Variants in MECOM observed in about 807,000 individuals in gnomAD.
MECOM encodes histone-lysine N-methyltransferase MECOM.
A neutral mutation model predicts 116.3 loss-of-function variants in MECOM; 13 were observed. That is an observed-to-expected ratio of 0.11 (90% CI 0.07 to 0.18). The LOEUF (loss-of-function observed/expected upper bound fraction) is 0.18, where lower values mean the gene tolerates loss of function less well. Ranked by LOEUF, MECOM falls within the 10% of genes least tolerant of loss-of-function variation. The probability of loss-of-function intolerance (pLI) is 1.00; values close to 1 mark genes in which losing one functional copy is unlikely to be tolerated. For missense variants in MECOM, 1,299 were observed against 1,509.0 expected (o/e 0.86, Z 2.31); for synonymous variants, 528 against 535.2 (o/e 0.99, Z 0.19).
At chr3:169,632,466 C>T (rs1772212532) in intron 1 of MECOM, among the ~76,000 whole-genome samples, 1 of 152,060 alleles carries the variant, frequency 6.6e-6, no homozygotes, top group Non-Finnish European at 1.5e-5. Flanking sequence ...AGATAGTCAC[C>T]CAATCACAGA....
chr3:169,166,375 T>C (rs1379089513), intron 2 of MECOM, among the ~76,000 whole-genome samples: 1 of 151,856 alleles, frequency 6.6e-6, no homozygotes, highest in Non-Finnish European at 1.5e-5. Context: ...ATTATCTGAA[T>C]TGTCTAAATT....
intron 1 of MECOM, among the ~76,000 whole-genome samples, chr3:169,646,654 A>G (rs1490222773): frequency 6.6e-6 from 1 of 152,184 alleles, no homozygotes; most frequent in East Asian, 1.9e-4. Flanking sequence ...GTACAAAAAA[A>G]AAAAATTAGA....
chr3:169,359,767 T>TA (rs1727888598), intron 2 of MECOM, among the ~76,000 whole-genome samples: 2 of 151,718 alleles, frequency 1.3e-5, no homozygotes, highest in Admixed American at 6.6e-5. Context: ...TTTCCAAGAT[T>TA]AAAAAAAGGC....
intron 10 of MECOM, among the ~76,000 whole-genome samples, chr3:169,106,354 T>A (rs1725424779): frequency 6.6e-6 from 1 of 152,112 alleles, no homozygotes; most frequent in African/African-American, 2.4e-5. Flanking sequence ...ATACATGAGA[T>A]GTTTTCATAC....
chr3:169,457,998 G>T (rs1197444664), intron 1 of MECOM, among the ~76,000 whole-genome samples: 3 of 152,212 alleles, frequency 2.0e-5, no homozygotes, highest in Non-Finnish European at 4.4e-5. Context: ...CTGCGCAATG[G>T]CAGGCTTGGA....
At chr3:169,580,093 C>T (rs79523882) in intron 1 of MECOM, among the ~76,000 whole-genome samples, 7 of 152,184 alleles carry the variant, frequency 4.6e-5, no homozygotes, top group Admixed American at 4.6e-4. Context: ...ATAGCTGGTA[C>T]TATCCTTAGT....
Position 169,084,126 on chromosome 3 carries a change from C to T in MECOM, c.*783G>A. The T allele has an allele frequency of 8.6e-6, 2 of 231,766 alleles. No individual in the cohort carries two copies. Among genetic ancestry groups the T allele is most frequent in the Non-Finnish European group, 1.7e-5 (2 of 117,118 alleles). 14.4% of individuals were successfully genotyped at this position (231,766 alleles called of 1,614,324 possible). A position where few individuals can be genotyped will look rare whatever the true frequency, so the allele number is the denominator to read the frequency against. On this transcript the variant is annotated 3_prime_UTR_variant, in exon 17 of 17. Coordinates refer to ENST00000651503, the MANE Select transcript of MECOM (RefSeq NM_004991.4). ...TTTGCCAACAAATAAATACATGATA[C>T]ACGCAACACACACAAAAAAATAAAC...
chr3:169,608,342 T>C (rs1008571518), intron 1 of MECOM, among the ~76,000 whole-genome samples: 4 of 152,164 alleles, frequency 2.6e-5, no homozygotes, highest in Non-Finnish European at 4.4e-5. Context: ...GCATCCCTAG[T>C]TTGCAGAAAC....
chr3:169,171,861 A>G (rs536010794), intron 2 of MECOM, among the ~76,000 whole-genome samples: 23 of 152,258 alleles, frequency 1.5e-4, no homozygotes, highest in Non-Finnish European at 2.9e-4. Flanking sequence ...AAGGGAAGAC[A>G]GAGAACTGAC....
chr3:169,389,259 G>T (rs1321344743), intron 1 of MECOM, among the ~76,000 whole-genome samples: 1 of 152,198 alleles, frequency 6.6e-6, no homozygotes, highest in Non-Finnish European at 1.5e-5. Flanking sequence ...GAAAGAAATT[G>T]CTAGAAAATT....
Position 169,509,877 on chromosome 3 carries a change from A to T in MECOM, c.38-128353T>A, listed in dbSNP as rs16853905. ...TCTCTGCCTGCTTTGCGATTCAGGA[A>T]GAGTCCAAGCCGACTCAAAGGCAGC... On this transcript the variant is annotated intron_variant, in intron 1 of 16. Transcript: ENST00000651503. Among the ~76,000 whole-genome samples the T allele has an allele frequency of 8.3e-3, 1,267 of 152,306 alleles. 15 individuals are homozygous for T. Among genetic ancestry groups the T allele is most frequent in the South Asian group, 0.026 (123 of 4,822 alleles).
chr3:169,453,378 G>A (rs951756636), intron 1 of MECOM, among the ~76,000 whole-genome samples: 5 of 152,208 alleles, frequency 3.3e-5, no homozygotes, highest in African/African-American at 9.6e-5. Context: ...GGAAACTGCT[G>A]GAGAAGAGCC....
chr3:169,132,312 G>C (rs1307936879), intron 3 of MECOM, among the ~76,000 whole-genome samples: 1 of 152,190 alleles, frequency 6.6e-6, no homozygotes, highest in Non-Finnish European at 1.5e-5. Context: ...ACCCTGACCT[G>C]AAATTTCCAA....
rs144426544 is a variant in MECOM at position 169,649,012 on chromosome 3, C to T, written c.37+14324G>A. On this transcript the variant is annotated intron_variant, in intron 1 of 16. Transcript: ENST00000651503. ...GCACAAAGGATAAAATACGCAAAAA[C>T]TGTGAGCATGGAAGGAGTAATTTGC... Among the ~76,000 whole-genome samples the T allele has an allele frequency of 2.5e-4, 38 of 152,308 alleles. 1 individual carries two copies. In the East Asian group the frequency reaches 7.3e-3, roughly 29 times the overall value.
chr3:169,454,841 T>G (rs1338818261), intron 1 of MECOM, among the ~76,000 whole-genome samples: 1 of 152,184 alleles, frequency 6.6e-6, no homozygotes, highest in East Asian at 1.9e-4. Flanking sequence ...GTCCCATAAC[T>G]AATTATAAAG....
intron 1 of MECOM, among the ~76,000 whole-genome samples, chr3:169,535,072 AG>A (rs1759184988): frequency 6.6e-6 from 1 of 152,164 alleles, no homozygotes; most frequent in African/African-American, 2.4e-5. Context: ...CCACAGACAG[AG>A]GGATCTGAAA....
intron 1 of MECOM, among the ~76,000 whole-genome samples, chr3:169,542,495 C>T (rs1308136504): frequency 6.6e-6 from 1 of 152,294 alleles, no homozygotes; most frequent in East Asian, 1.9e-4. Context: ...TACATCATTG[C>T]ATTTTTGTCT....
intron 2 of MECOM, among the ~76,000 whole-genome samples, chr3:169,232,909 A>C (rs1753579550): frequency 6.6e-6 from 1 of 152,030 alleles, no homozygotes; most frequent in Non-Finnish European, 1.5e-5. Flanking sequence ...ATTTACTTGA[A>C]AATGGCATCT....
intron 1 of MECOM, among the ~76,000 whole-genome samples, chr3:169,563,957 C>T (rs916487441): frequency 3.9e-5 from 6 of 152,138 alleles, no homozygotes; most frequent in African/African-American, 1.4e-4. Flanking sequence ...AAAAACAGTA[C>T]ACTGACCAAG....
Sources: gnomAD v4.1 joint callset for allele counts (sites outside exome capture counted in the v4.1 genomes callset) on GRCh38, gnomAD v4.1.1 for gene constraint, MANE v1.5 for transcripts, NCBI Gene and HGNC (gene_info 2026-07-23, HGNC 2026-07-21) for gene names.